SLC8B1: variants seen among roughly 807,000 people sequenced by gnomAD.
SLC8B1 encodes mitochondrial sodium/calcium exchanger protein.
A neutral mutation model predicts 63.4 loss-of-function variants in SLC8B1; 52 were observed. The observed-to-expected ratio is 0.82, with a 90% CI of 0.66 to 1.03. SLC8B1 has a LOEUF of 1.03. Ranked by LOEUF, SLC8B1 falls within the 50% of genes least tolerant of loss-of-function variation. The probability of loss-of-function intolerance (pLI) is 0.00; values close to 1 mark genes in which losing one functional copy is unlikely to be tolerated. For missense variants in SLC8B1, 657 were observed against 741.7 expected, an observed-to-expected ratio of 0.89 and a Z score of 1.33; for synonymous variants, 336 against 323.9, an observed-to-expected ratio of 1.04 and a Z score of -0.40.
chr12:113,302,382 G>A, intron 15 of SLC8B1: 2 of 281,504 alleles, frequency 7.1e-6, no homozygotes, highest in South Asian at 3.2e-5. Flanking sequence ...GCACTGCCCG[G>A]CTGATGCCCT....
At chr12:113,325,978 C>T (rs1956992381) in intron 2 of SLC8B1, among the ~76,000 whole-genome samples, 1 of 152,110 alleles carries the variant, frequency 6.6e-6, no homozygotes, top group Admixed American at 6.6e-5. Flanking sequence ...GTAGCCTTTC[C>T]AACACTCCTG....
At chr12:113,302,166 T>G (rs7952886) in intron 15 of SLC8B1, 5,523 of 154,818 alleles carry the variant, frequency 0.036, 137 homozygotes, top group Non-Finnish European at 0.055. Context: ...GCAAATATAA[T>G]AAGCTAAGGG....
chr12:113,299,814 A>G lies in SLC8B1; in HGVS notation c.1718T>C (p.Leu573Pro), dbSNP rs759052464. The stretch of plus-strand genomic sequence containing the variant: ...CAGGTGAATCACTCCAAATTCAGTG[A>G]GGAGGGCCACGACAAGGAAGTTCAG... ...FYLNFLVVAL[L>P]TEFGVIHLKS... is the part of the protein sequence containing the mutation. The change falls in exon 16 of 16, where the codon CTC (leucine) becomes CCC (proline). Residue 573 changes from leucine to proline, a missense_variant. Physicochemically the swap from Leu to Pro is moderately conservative, Grantham distance 98. Transcript: ENST00000680972. 6 of 1,614,228 alleles carry G rather than the reference A, an allele frequency of 3.7e-6. No individual in the cohort carries two copies. Among genetic ancestry groups the G allele is most frequent in the South Asian group, 2.2e-5 (2 of 91,084 alleles).
intron 15 of SLC8B1, among the ~76,000 whole-genome samples, chr12:113,303,505 C>T (rs886599536): frequency 8.5e-5 from 13 of 152,176 alleles, no homozygotes; most frequent in African/African-American, 2.7e-4. Context: ...ATCTCTTCCT[C>T]CCCAGCCTAC....
At chr12:113,333,652 C>A (rs1415731819) in intron 1 of SLC8B1, among the ~76,000 whole-genome samples, 5 of 152,022 alleles carry the variant, frequency 3.3e-5, no homozygotes, top group African/African-American at 9.7e-5. Flanking sequence ...AATGTCACCC[C>A]CCCGCCCCCC....
Position 113,316,931 on chromosome 12 carries a change from C to T in SLC8B1, c.862+11G>A, listed in dbSNP as rs1329105978. 2 of 1,612,704 alleles carry T rather than the reference C, an allele frequency of 1.2e-6. No individual in the cohort carries two copies. The highest frequency in any genetic ancestry group is 1.7e-5 in the Admixed American group (1 of 59,790). ...ACCGCCACCCTGGCTGGGCACAGGG[C>T]ACGGACTCACCGTAGTCATAGCTGT... On this transcript the variant is annotated intron_variant, in intron 9 of 15. Transcript: ENST00000680972.
Position 113,321,227 on chromosome 12 carries a change from G to A in SLC8B1, c.278C>T (p.Pro93Leu), listed in dbSNP as rs1956923011. 1 of 1,614,164 alleles carries A rather than the reference G, an allele frequency of 6.2e-7. No homozygotes were observed. The highest frequency in any genetic ancestry group is 8.5e-7 in the Non-Finnish European group (1 of 1,180,016). Residue 93 changes from proline to leucine, a missense_variant, in exon 3 of 16, where the codon CCC becomes CTC. Pro to Leu is a moderately conservative substitution (Grantham distance 98). Coordinates refer to ENST00000680972, the MANE Select transcript of SLC8B1 (RefSeq NM_001358345.2). ...YLEGIFCHFPPSLLPLAVTLY... is the reference protein window; with the variant it reads ...YLEGIFCHFPLSLLPLAVTLY... ...AGTGACAGCCAGAGGGAGGAGGCTG[G>A]GAGGGAAGTGGCAGAAGATGCCTTC... is the stretch of plus-strand genomic sequence containing the variant.
At chr12:113,326,837 C>T (rs939406051) in intron 2 of SLC8B1, among the ~76,000 whole-genome samples, 37 of 152,170 alleles carry the variant, frequency 2.4e-4, no homozygotes, top group Admixed American at 9.8e-4. Context: ...GCCCACAACC[C>T]GGCCCTACTA....
chr12:113,307,602 C>T (rs1046498931), intron 13 of SLC8B1, 89 bp downstream of exon 13: 6 of 1,493,478 alleles, frequency 4.0e-6, no homozygotes, highest in Non-Finnish European at 5.5e-6. Flanking sequence ...CCTGGACACT[C>T]CTGCCCAGAT....
chr12:113,316,604 C>T lies in SLC8B1; in HGVS notation c.915G>A (p.Leu305=). ...FFYQETTAQI[L]VRALNPLDYM... ...AATCCAGGGGATTGAGGGCCCGGACCAGGATCTGAGCCGTGGTCTCCTGGT... is the reference window on the plus strand; with the variant it reads ...AATCCAGGGGATTGAGGGCCCGGACTAGGATCTGAGCCGTGGTCTCCTGGT... The change falls in exon 10 of 16, where the codon CTG becomes CTA. Residue 305 remains leucine, a synonymous_variant. Coordinates refer to ENST00000680972, the MANE Select transcript of SLC8B1 (RefSeq NM_001358345.2). The T allele has an allele frequency of 6.2e-7, 1 of 1,614,190 alleles. No homozygotes were observed. The highest frequency in any genetic ancestry group is 1.3e-5 in the African/African-American group (1 of 75,052).
Position 113,334,683 on chromosome 12 carries a change from A to C in SLC8B1, c.-323T>G, listed in dbSNP as rs1957105409. 1.3e-5 allele frequency: 2 copies of C among 152,198 alleles called. No individual in the cohort carries two copies. Among genetic ancestry groups the C allele is most frequent in the South Asian group, 4.1e-4 (2 of 4,832 alleles). The allele number at this position is 152,198 out of a possible 1,614,324, so 9.4% of individuals were successfully genotyped here. On this transcript the variant is annotated 5_prime_UTR_variant, in exon 1 of 16. It adds an upstream start codon to the 5' untranslated region. Coordinates refer to ENST00000680972, the MANE Select transcript of SLC8B1 (RefSeq NM_001358345.2). Reference sequence around the variant, plus strand: ...CGCGGTATACAATAAGAGCTCAATAAATGTTCGCGTCCCTGATGTCCCCAA... The same window carrying C: ...CGCGGTATACAATAAGAGCTCAATACATGTTCGCGTCCCTGATGTCCCCAA...
At chr12:113,301,090 T>C (rs1956580981) in intron 15 of SLC8B1, among the ~76,000 whole-genome samples, 1 of 151,706 alleles carries the variant, frequency 6.6e-6, no homozygotes, top group Non-Finnish European at 1.5e-5. Flanking sequence ...GAGCCAAGAT[T>C]GCACCACTGC....
chr12:113,332,055 C>CTCTTTGTACTTGTACT (rs1272421087), intron 2 of SLC8B1, among the ~76,000 whole-genome samples: 1 of 152,302 alleles, frequency 6.6e-6, no homozygotes, highest in East Asian at 1.9e-4. Flanking sequence ...TTTGTACTTG[C>CTCTTTGTACTTGTACT]TGTTCCCTTT....
rs1169554727 is a variant in SLC8B1, at chr12:113,306,528, C to T, written c.1459G>A (p.Ala487Thr). Residue 487 changes from alanine to threonine, a missense_variant, in exon 14 of 16, where the codon GCG (alanine) becomes ACG (threonine). By Grantham distance (58) the Ala-to-Thr change is moderately conservative. Coordinates refer to ENST00000680972, the MANE Select transcript of SLC8B1 (RefSeq NM_001358345.2). ...TLARQGYPRM[A>T]FSACFGGIIF... Reference sequence around the variant, plus strand: ...ATGCCGCCAAAGCAGGCGGAGAACGCCATCCGTGGGTAGCCCTGGCGAGCC... The same window carrying T: ...ATGCCGCCAAAGCAGGCGGAGAACGTCATCCGTGGGTAGCCCTGGCGAGCC... The T allele has an allele frequency of 6.2e-7, 1 of 1,613,820 alleles. No individual in the cohort carries two copies. The highest frequency in any genetic ancestry group is 8.5e-7 in the Non-Finnish European group (1 of 1,179,904).
intron 2 of SLC8B1, among the ~76,000 whole-genome samples, chr12:113,325,834 A>G (rs904775355): frequency 2.0e-4 from 30 of 152,316 alleles, no homozygotes; most frequent in Non-Finnish European, 3.5e-4. Context: ...AAGTGCTGGG[A>G]TTACAGGCGT....
At chr12:113,308,753 T>C (rs979467132) in intron 12 of SLC8B1, 5 of 152,224 alleles carry the variant, frequency 3.3e-5, no homozygotes, top group Admixed American at 6.5e-5. Flanking sequence ...AATGATCCAT[T>C]TGCTGAAAAT....
At position 113,320,671 on chromosome 12, in the gene SLC8B1, C is replaced by G; in HGVS notation, c.436G>C (p.Ala146Pro). The change falls in exon 6 of 16, where the codon GCA becomes CCA. Residue 146 changes from alanine (A) to proline (P), a missense_variant. By Grantham distance (27) the Ala-to-Pro change is conservative (BLOSUM62 -1). Coordinates refer to ENST00000680972, the MANE Select transcript of SLC8B1 (RefSeq NM_001358345.2). The surrounding 1 kb of genome is among the most constrained non-coding windows in gnomAD (Gnocchi z 5.3). ...ATGTCAGGTGCACCATTCCCAAATG[C>G]CAGGAAGGTGACGCCATGTGGGGAG... ...SHNVAGVTFL[A>P]FGNGAPDIFS... is the part of the protein sequence containing the mutation. 6.2e-7 allele frequency: 1 copy of G among 1,613,836 alleles called. No individual in the cohort carries two copies. The highest frequency in any genetic ancestry group is 8.5e-7 in the Non-Finnish European group (1 of 1,179,924).
At chr12:113,326,739 T>C (rs1181738281) in intron 2 of SLC8B1, among the ~76,000 whole-genome samples, 2 of 151,214 alleles carry the variant, frequency 1.3e-5, no homozygotes, top group Admixed American at 6.6e-5. Flanking sequence ...TGCAGAAGCA[T>C]GATTATAGCT....
At position 113,319,020 on chromosome 12, in the gene SLC8B1, C is replaced by T; in HGVS notation, c.746G>A (p.Trp249Ter). ...TCCTCTCCGTTGCCGTTGGTAGATC[C>T]AGGTGCAGAGAATCACAGTGACCAC... Reference protein sequence around the residue: ...FYVVTVILCTWIYQRQRRGSL... With the variant: ...FYVVTVILCT Residue 249 changes from tryptophan (W) to a stop codon, truncating the protein, a stop_gained, in exon 8 of 16, where the codon TGG becomes TAG. Transcript: ENST00000680972. LOFTEE classifies it high-confidence loss of function. The T allele has an allele frequency of 6.2e-7, 1 of 1,614,022 alleles. No homozygotes were observed. Among genetic ancestry groups the T allele is most frequent in the Non-Finnish European group, 8.5e-7 (1 of 1,179,950 alleles).
Sources: allele counts gnomAD v4.1 joint callset (sites outside exome capture counted in the v4.1 genomes callset), GRCh38; gene constraint gnomAD v4.1.1; non-coding constraint Gnocchi (gnomAD v3.1); transcripts MANE v1.5; gene names NCBI Gene and HGNC (gene_info 2026-07-23, HGNC 2026-07-21).